The following ENTREP2 variants were observed in gnomAD, a reference collection of about 807,000 sequenced individuals.
The protein encoded by ENTREP2 is protein ENTREP2.
the ENTREP2 span, among the ~76,000 whole-genome samples, chr15:29,631,923 G>A: frequency 6.6e-6 from 1 of 152,088 alleles, no homozygotes; most frequent in Non-Finnish European, 1.5e-5. Context: ...GCTGGGCGGG[G>A]CATAGGAGTC....
At chr15:29,569,185 A>G in the ENTREP2 span, among the ~76,000 whole-genome samples, 1 of 152,024 alleles carries the variant, frequency 6.6e-6, no homozygotes, top group Non-Finnish European at 1.5e-5. Context: ...TTCTTTGAAT[A>G]CTCCCAGCTA....
the ENTREP2 span, among the ~76,000 whole-genome samples, chr15:29,403,296 C>T: frequency 6.6e-6 from 1 of 152,082 alleles, no homozygotes; most frequent in Non-Finnish European, 1.5e-5. Flanking sequence ...AGCCTCTGCC[C>T]CCCTCCCTTT....
At chr15:29,292,174 C>G in the ENTREP2 span, among the ~76,000 whole-genome samples, 1 of 152,176 alleles carries the variant, frequency 6.6e-6, no homozygotes, top group Admixed American at 6.5e-5. Flanking sequence ...CTTTCATGTT[C>G]TTAACAAGGC....
At chr15:29,636,021 G>A in the ENTREP2 span, among the ~76,000 whole-genome samples, 250 of 152,232 alleles carry the variant, frequency 1.6e-3, 9 homozygotes, top group East Asian at 0.042. Flanking sequence ...CCCTGTGCAG[G>A]AGCCAGAGAT....
At chr15:29,473,201 G>T in the ENTREP2 span, among the ~76,000 whole-genome samples, 10,758 of 152,180 alleles carry the variant, frequency 0.071, 508 homozygotes, top group South Asian at 0.13. Context: ...TGACTTTCTT[G>T]CAGCCACACC....
chr15:29,438,766 A>T, the ENTREP2 span, among the ~76,000 whole-genome samples: 49 of 152,290 alleles, frequency 3.2e-4, no homozygotes, highest in African/African-American at 1.2e-3. Flanking sequence ...GCCTCCGCAG[A>T]TCTCACTGGT....
the ENTREP2 span, among the ~76,000 whole-genome samples, chr15:29,444,061 G>A: frequency 6.6e-6 from 1 of 152,052 alleles, no homozygotes; most frequent in Non-Finnish European, 1.5e-5. Context: ...CCGAGATCGC[G>A]CCACTGCACT....
At chr15:29,245,073 A>G in the ENTREP2 span, among the ~76,000 whole-genome samples, 1 of 152,240 alleles carries the variant, frequency 6.6e-6, no homozygotes, top group African/African-American at 2.4e-5. Flanking sequence ...TTCCTCTGAC[A>G]AACTATGGGA....
the ENTREP2 span, among the ~76,000 whole-genome samples, chr15:29,134,762 T>C: frequency 1.3e-5 from 2 of 152,196 alleles, no homozygotes; most frequent in Non-Finnish European, 2.9e-5. Flanking sequence ...GGGTCAGCGC[T>C]GCCTTGGTCA....
the ENTREP2 span, among the ~76,000 whole-genome samples, chr15:29,299,405 C>T: frequency 6.6e-6 from 1 of 152,184 alleles, no homozygotes; most frequent in Admixed American, 6.5e-5. Flanking sequence ...TTCAGCGTCA[C>T]CTTTTACCTA....
At chr15:29,570,541 G>A in the ENTREP2 span, 5 of 1,461,382 alleles carry the variant, frequency 3.4e-6, no homozygotes, top group South Asian at 1.3e-5. Flanking sequence ...AGTGGCGGAC[G>A]CGGGCCGAGG....
chr15:29,286,295 A>T, the ENTREP2 span, among the ~76,000 whole-genome samples: 1 of 152,240 alleles, frequency 6.6e-6, no homozygotes, highest in Non-Finnish European at 1.5e-5. Flanking sequence ...TGTAAAGATA[A>T]GTTAATAGAC....
the ENTREP2 span, among the ~76,000 whole-genome samples, chr15:29,598,120 CT>C: frequency 5.7e-5 from 5 of 88,360 alleles, no homozygotes; most frequent in African/African-American, 1.8e-4. Context: ...AGACCCCTGT[CT>C]CAAAAAAAAA....
chr15:29,282,158 C>T, the ENTREP2 span, among the ~76,000 whole-genome samples: 1 of 152,180 alleles, frequency 6.6e-6, no homozygotes, highest in Non-Finnish European at 1.5e-5. Context: ...ATAATTCCCA[C>T]ATGTTGTGGG....
At chr15:29,184,176 G>GGT in the ENTREP2 span, among the ~76,000 whole-genome samples, 1 of 152,262 alleles carries the variant, frequency 6.6e-6, no homozygotes, top group East Asian at 1.9e-4. Flanking sequence ...GTAGACACGG[G>GGT]GTTTTGCCAT....
chr15:29,207,858 C>T, the ENTREP2 span, among the ~76,000 whole-genome samples: 1 of 152,126 alleles, frequency 6.6e-6, no homozygotes, highest in South Asian at 2.1e-4. Flanking sequence ...GAGGGTTTCC[C>T]TGTTCTGCAC....
the ENTREP2 span, among the ~76,000 whole-genome samples, chr15:29,329,601 A>T: frequency 2.0e-5 from 3 of 152,292 alleles, no homozygotes; most frequent in South Asian, 6.2e-4. Context: ...ACCTCCAACC[A>T]AAAGAACCAG....
chr15:29,522,453 A>G, the ENTREP2 span, among the ~76,000 whole-genome samples: 1 of 152,358 alleles, frequency 6.6e-6, no homozygotes, highest in Admixed American at 6.5e-5. Context: ...CATAAAATCA[A>G]TGAGAAAACT....
chr15:29,308,393 C>T, the ENTREP2 span, among the ~76,000 whole-genome samples: 6 of 152,078 alleles, frequency 3.9e-5, no homozygotes, highest in Admixed American at 1.3e-4. Flanking sequence ...AAAAGGAAAG[C>T]GTGGTGACTT....
Sources: gnomAD v4.1 joint callset for allele counts (sites outside exome capture counted in the v4.1 genomes callset) on GRCh38, gnomAD v4.1.1 for gene constraint, MANE v1.5 for transcripts, NCBI Gene and HGNC (gene_info 2026-07-23, HGNC 2026-07-21) for gene names.